The following C16orf74 variants were observed in gnomAD, a reference collection of about 807,000 sequenced individuals.
The protein encoded by C16orf74 is uncharacterized protein C16orf74.
C16orf74 carries 10 observed loss-of-function variants against 6.5 expected under a neutral mutation model. The ratio of observed to expected loss-of-function variants is 1.54; its 90% confidence interval spans 0.95 to 2.61. The LOEUF (loss-of-function observed/expected upper bound fraction) is 2.61, where lower values mean the gene tolerates loss of function less well. Ranked by LOEUF, C16orf74 falls within the 30% of genes most tolerant of loss-of-function variation. The pLI is 0.00. For missense variants in C16orf74, 141 were observed against 105.9 expected, an observed-to-expected ratio of 1.33 and a Z score of -1.45; for synonymous variants, 60 against 42.5, an observed-to-expected ratio of 1.41 and a Z score of -1.60.
At chr16:85,727,433 G>C (rs2054145155) in intron 2 of C16orf74, among the ~76,000 whole-genome samples, 1 of 152,190 alleles carries the variant, frequency 6.6e-6, no homozygotes, top group East Asian at 1.9e-4. Flanking sequence ...AGCCTAAGGA[G>C]GTATGACAAC....
At chr16:85,750,549 C>A (rs1355508958) in intron 1 of C16orf74, among the ~76,000 whole-genome samples, 1 of 152,244 alleles carries the variant, frequency 6.6e-6, no homozygotes, top group African/African-American at 2.4e-5. Flanking sequence ...CTCCTGCCCC[C>A]GCCCCCCGCC....
chr16:85,735,256 T>A (rs1331357998), intron 1 of C16orf74, 21 bp from the exon 2 acceptor site: 1 of 1,545,770 alleles, frequency 6.5e-7, no homozygotes. Flanking sequence ...AGGACAGCGC[T>A]GAGAGAGGGG....
chr16:85,712,554 G>C (rs2053980949), intron 2 of C16orf74, among the ~76,000 whole-genome samples: 1 of 152,176 alleles, frequency 6.6e-6, no homozygotes, highest in Non-Finnish European at 1.5e-5. Context: ...GGGATGATCT[G>C]TTTGAATCCA....
chr16:85,731,760 T>A (rs899271587), intron 2 of C16orf74, among the ~76,000 whole-genome samples: 4 of 152,118 alleles, frequency 2.6e-5, no homozygotes, highest in African/African-American at 9.6e-5. Context: ...TGATCACAGC[T>A]CACTGCAGCC....
intron 1 of C16orf74, among the ~76,000 whole-genome samples, chr16:85,745,418 C>T (rs2054362548): frequency 6.6e-6 from 1 of 152,200 alleles, no homozygotes; most frequent in East Asian, 1.9e-4. Context: ...AAATTACCAG[C>T]TCACAACAGA....
At chr16:85,745,877 C>T (rs2152067064) in intron 1 of C16orf74, among the ~76,000 whole-genome samples, 1 of 152,340 alleles carries the variant, frequency 6.6e-6, no homozygotes, top group Non-Finnish European at 1.5e-5. Flanking sequence ...CCTTCAGTTA[C>T]CACTTGTGTG....
At chr16:85,733,724 C>T (rs930369056) in intron 2 of C16orf74, among the ~76,000 whole-genome samples, 2 of 152,170 alleles carry the variant, frequency 1.3e-5, no homozygotes, top group Non-Finnish European at 2.9e-5. Context: ...GATACTCATT[C>T]AACAAACATC....
chr16:85,737,961 A>ATTTT (rs34329302), intron 1 of C16orf74, among the ~76,000 whole-genome samples: 1 of 136,934 alleles, frequency 7.3e-6, no homozygotes, highest in Non-Finnish European at 1.6e-5. Flanking sequence ...TTTTTTTGTG[A>ATTTT]TTTTTTTTTT....
At chr16:85,709,358 A>G (rs1385087058) in intron 3 of C16orf74, among the ~76,000 whole-genome samples, 2 of 152,182 alleles carry the variant, frequency 1.3e-5, no homozygotes, top group East Asian at 3.8e-4. Flanking sequence ...CATCTCAAAA[A>G]AATAAATAAA....
chr16:85,735,026 C>G (rs77105798), intron 2 of C16orf74, among the ~76,000 whole-genome samples, 164 bp downstream of exon 2: 352 of 152,288 alleles, frequency 2.3e-3, no homozygotes, highest in Non-Finnish European at 3.8e-3. Context: ...TGCTCAGAGT[C>G]AGGACAAGCA....
At chr16:85,749,502 C>G (rs1411852809) in intron 1 of C16orf74, among the ~76,000 whole-genome samples, 1 of 152,074 alleles carries the variant, frequency 6.6e-6, no homozygotes, top group Non-Finnish European at 1.5e-5. Context: ...AGGCTGGTCT[C>G]GAACTCCTGG....
At chr16:85,724,332 C>T (rs546336928) in intron 2 of C16orf74, among the ~76,000 whole-genome samples, 4 of 152,288 alleles carry the variant, frequency 2.6e-5, no homozygotes, top group African/African-American at 7.2e-5. Flanking sequence ...TTCTAGAGCA[C>T]GTGGTGCAGG....
chr16:85,739,750 C>T (rs400272), intron 1 of C16orf74, among the ~76,000 whole-genome samples: 42,477 of 151,950 alleles, frequency 0.28, 6,563 homozygotes, highest in Middle Eastern at 0.42. Flanking sequence ...TACAGTGAGA[C>T]GTGATGGTGT....
At position 85,707,986 on chromosome 16, in the gene C16orf74, C is replaced by G. The variant is rs1346002898; in HGVS notation, c.*22G>C. 1.9e-6 allele frequency: 3 copies of G among 1,550,702 alleles called. No homozygotes were observed. In the African/African-American group the frequency reaches 4.1e-5, roughly 21 times the overall value. On this transcript the variant is annotated 3_prime_UTR_variant, in exon 4 of 4. Coordinates refer to ENST00000284245, the MANE Select transcript of C16orf74 (RefSeq NM_206967.3). ...CCGGGCCGCTGGAGCAGGAGCCAGC[C>G]AGCCAAACCCAGGACACCTCCTCAG...
Position 85,740,571 on chromosome 16 carries a change from G to A in C16orf74, c.-18-5336C>T, listed in dbSNP as rs368093536. ...TAAAAAATTAGCCAGGCGTGGTGGCGGGCCCAGCTACTAGAGACGCTGAGG... is the reference window on the plus strand; with the variant it reads ...TAAAAAATTAGCCAGGCGTGGTGGCAGGCCCAGCTACTAGAGACGCTGAGG... On this transcript the variant is annotated intron_variant, in intron 1 of 3. Coordinates refer to ENST00000284245, the MANE Select transcript of C16orf74 (RefSeq NM_206967.3). Among the ~76,000 whole-genome samples the A allele has an allele frequency of 9.4e-4, 142 of 151,754 alleles. 1 individual carries two copies. Among genetic ancestry groups the A allele is most frequent in the African/African-American group, 3.3e-3 (135 of 41,428 alleles).
At chr16:85,741,903 T>C (rs193073458) in intron 1 of C16orf74, among the ~76,000 whole-genome samples, 9 of 152,326 alleles carry the variant, frequency 5.9e-5, no homozygotes, top group African/African-American at 2.2e-4. Flanking sequence ...CTTATTGCTA[T>C]AGTTTGGATA....
chr16:85,741,861 T>A (rs1019738877), intron 1 of C16orf74, among the ~76,000 whole-genome samples: 2 of 152,188 alleles, frequency 1.3e-5, no homozygotes, highest in Non-Finnish European at 2.9e-5. Flanking sequence ...GTTGTCACCA[T>A]CATCTTCATC....
At chr16:85,714,569 G>A (rs2054003369) in intron 2 of C16orf74, among the ~76,000 whole-genome samples, 1 of 151,782 alleles carries the variant, frequency 6.6e-6, no homozygotes, top group Non-Finnish European at 1.5e-5. Flanking sequence ...ACAGGCGCCT[G>A]CCACCACACC....
chr16:85,709,615 T>C (rs2053947475), intron 3 of C16orf74, among the ~76,000 whole-genome samples: 1 of 152,114 alleles, frequency 6.6e-6, no homozygotes, highest in Non-Finnish European at 1.5e-5. Flanking sequence ...TCCCACCAGC[T>C]CCAGAGGTAT....
Sources: allele counts gnomAD v4.1 joint callset (sites outside exome capture counted in the v4.1 genomes callset), GRCh38; gene constraint gnomAD v4.1.1; transcripts MANE v1.5; gene names NCBI Gene and HGNC (gene_info 2026-07-23, HGNC 2026-07-21).